The following SAE1 variants were observed in gnomAD, a reference collection of about 807,000 sequenced individuals.
SAE1 encodes the protein SUMO-activating enzyme subunit 1.
SAE1 carries 11 observed loss-of-function variants against 40.6 expected under a neutral mutation model. That is an observed-to-expected ratio of 0.27 (90% confidence interval 0.17 to 0.45). SAE1 has a LOEUF of 0.45. SAE1 is among the 20% of genes least tolerant of loss of function. The probability of loss-of-function intolerance (pLI) is 1.00; values close to 1 mark genes in which losing one functional copy is unlikely to be tolerated. For synonymous variants in SAE1, 155 were observed against 154.3 expected (o/e 1.00, Z -0.03); for missense variants, 373 against 427.3 (o/e 0.87, Z 1.12).
At chr19:47,139,077 G>A (rs997597974) in intron 1 of SAE1, among the ~76,000 whole-genome samples, 5 of 152,106 alleles carry the variant, frequency 3.3e-5, no homozygotes, top group Non-Finnish European at 7.4e-5. Flanking sequence ...TCAGCCTCCC[G>A]AGTAGCTGGG....
intron 2 of SAE1, among the ~76,000 whole-genome samples, chr19:47,147,211 T>G (rs1055843785): frequency 2.0e-4 from 27 of 137,972 alleles, no homozygotes; most frequent in African/African-American, 6.0e-4. Context: ...TTTTTTTTTT[T>G]TTTTTTTTTT....
At chr19:47,190,172 A>G (rs2058570270) in intron 6 of SAE1, among the ~76,000 whole-genome samples, 1 of 152,204 alleles carries the variant, frequency 6.6e-6, no homozygotes, top group Non-Finnish European at 1.5e-5. Context: ...AAAGGTGCAG[A>G]TGAAGTTAAT....
chr19:47,205,403 A>G (rs559282942), intron 8 of SAE1, among the ~76,000 whole-genome samples: 11 of 141,762 alleles, frequency 7.8e-5, no homozygotes, highest in Non-Finnish European at 1.5e-4. Flanking sequence ...ACTTTCTTCT[A>G]TGTAATGGGC....
At chr19:47,167,878 A>G (rs1240357302) in intron 5 of SAE1, among the ~76,000 whole-genome samples, 2 of 152,110 alleles carry the variant, frequency 1.3e-5, no homozygotes, top group Non-Finnish European at 2.9e-5. Context: ...TAAACTTCTT[A>G]AGGGTAGCTA....
chr19:47,152,987 T>G lies in SAE1; in HGVS notation c.474T>G (p.Val158=). ...GCATCAAGTTCTTTACAGGAGATGT[T>G]TTTGGCTACCATGGATACACATTTG... ...KNSIKFFTGD[V]FGYHGYTFAN... is the part of the protein sequence containing the mutation. Residue 158 remains valine (V), a synonymous_variant, in exon 4 of 9, where the codon GTT becomes GTG. Coordinates refer to ENST00000270225, the MANE Select transcript of SAE1 (RefSeq NM_005500.3). 6.2e-7 allele frequency: 1 copy of G among 1,613,550 alleles called. No homozygotes were observed. Among genetic ancestry groups the G allele is most frequent in the Non-Finnish European group, 8.5e-7 (1 of 1,179,928 alleles).
chr19:47,142,177 G>T (rs2058226280), intron 1 of SAE1, among the ~76,000 whole-genome samples: 1 of 151,726 alleles, frequency 6.6e-6, no homozygotes, highest in African/African-American at 2.4e-5. Context: ...TGAGGTCAGG[G>T]GTTCGAGACC....
intron 6 of SAE1, among the ~76,000 whole-genome samples, chr19:47,195,424 A>G (rs756003193): frequency 1.3e-5 from 2 of 152,156 alleles, no homozygotes; most frequent in African/African-American, 2.4e-5. Context: ...GTCTTCTTAC[A>G]CAGTAGTTCT....
At chr19:47,179,434 G>C (rs555624666) in intron 6 of SAE1, among the ~76,000 whole-genome samples, 3 of 151,606 alleles carry the variant, frequency 2.0e-5, no homozygotes, top group Non-Finnish European at 2.9e-5. Context: ...TTGAACCCTG[G>C]AGGCAGAGGT....
At chr19:47,139,234 G>A (rs925442419) in intron 1 of SAE1, among the ~76,000 whole-genome samples, 11 of 152,182 alleles carry the variant, frequency 7.2e-5, no homozygotes, top group Admixed American at 4.6e-4. Flanking sequence ...AGTAGAGACG[G>A]GGTTTCACCG....
intron 6 of SAE1, among the ~76,000 whole-genome samples, chr19:47,181,356 A>G (rs956472681): frequency 2.9e-4 from 44 of 149,736 alleles, no homozygotes; most frequent in Non-Finnish European, 8.8e-5. Context: ...AACAAATAAA[A>G]AGGTCTGTAG....
chr19:47,184,535 C>G (rs1384486929), intron 6 of SAE1, among the ~76,000 whole-genome samples: 1 of 151,660 alleles, frequency 6.6e-6, no homozygotes, highest in African/African-American at 2.4e-5. Context: ...CTCAACTTCC[C>G]GAGTAGCTGG....
At chr19:47,140,082 C>T (rs546933271) in intron 1 of SAE1, among the ~76,000 whole-genome samples, 226 of 151,114 alleles carry the variant, frequency 1.5e-3, no homozygotes, top group African/African-American at 5.2e-3. Context: ...AGATTACAGG[C>T]GCCTGCCACC....
intron 1 of SAE1, among the ~76,000 whole-genome samples, chr19:47,136,509 T>G (rs1258763192): frequency 6.6e-6 from 1 of 151,222 alleles, no homozygotes; most frequent in Non-Finnish European, 1.5e-5. Flanking sequence ...TTTTTTTTTT[T>G]TTTGAGACGG....
At chr19:47,181,659 G>A (rs897181405) in intron 6 of SAE1, among the ~76,000 whole-genome samples, 6 of 150,152 alleles carry the variant, frequency 4.0e-5, no homozygotes, top group Admixed American at 6.7e-5. Context: ...TTGTATTTTT[G>A]GTAGAGATGG....
At chr19:47,140,987 T>C (rs1225655271) in intron 1 of SAE1, among the ~76,000 whole-genome samples, 1 of 151,948 alleles carries the variant, frequency 6.6e-6, no homozygotes, top group African/African-American at 2.4e-5. Flanking sequence ...TAGCTAGGAT[T>C]ACAGGTGCCC....
chr19:47,193,692 C>T (rs2058594093), intron 6 of SAE1, among the ~76,000 whole-genome samples: 1 of 151,312 alleles, frequency 6.6e-6, no homozygotes, highest in Non-Finnish European at 1.5e-5. Context: ...CTGGGTGTGG[C>T]TGCAGGCACC....
At chr19:47,131,923 T>C (rs2058146484) in intron 1 of SAE1, among the ~76,000 whole-genome samples, 1 of 151,662 alleles carries the variant, frequency 6.6e-6, no homozygotes, top group Non-Finnish European at 1.5e-5. Context: ...CTGGTCTCGA[T>C]CTCCTTACCT....
At chr19:47,151,692 C>T (rs1167590582) in intron 3 of SAE1, among the ~76,000 whole-genome samples, 2 of 152,116 alleles carry the variant, frequency 1.3e-5, no homozygotes, top group Non-Finnish European at 2.9e-5. Flanking sequence ...TTTTCCTAGT[C>T]CCTTCTATTT....
Position 47,194,747 on chromosome 19 carries a change from C to CTTTTT in SAE1, c.734-2470_734-2466dup, listed in dbSNP as rs1232339267. ...AGAAGGTGTTGGTATGTTAATCAGT[C>CTTTTT]TTTTTTTTTTTTTTTTTTTTGAGAT... On this transcript the variant is annotated intron_variant, in intron 6 of 8. Transcript: ENST00000270225. Among the ~76,000 whole-genome samples the CTTTTT allele has an allele frequency of 3.0e-3, 372 of 124,890 alleles. 6 individuals carry two copies. The highest frequency in any genetic ancestry group is 0.011 in the African/African-American group (350 of 32,998). The allele number at this position is 124,890 out of a possible 152,430, so 81.9% of individuals were successfully genotyped here. A position where few individuals can be genotyped will look rare whatever the true frequency, so the allele number is the denominator to read the frequency against.
Sources: allele counts gnomAD v4.1 joint callset (sites outside exome capture counted in the v4.1 genomes callset), GRCh38; gene constraint gnomAD v4.1.1; transcripts MANE v1.5; gene names NCBI Gene and HGNC (gene_info 2026-07-23, HGNC 2026-07-21).